Variants in TRNT1 observed in about 807,000 individuals in gnomAD.
The protein encoded by TRNT1 is tRNA nucleotidyl transferase 1, also known as CCA tRNA nucleotidyltransferase 1, mitochondrial.
A neutral mutation model predicts 45.6 loss-of-function variants in TRNT1; 44 were observed. That is an observed-to-expected ratio of 0.97 (90% CI 0.76 to 1.24). The LOEUF (loss-of-function observed/expected upper bound fraction) is 1.24, where lower values mean the gene tolerates loss of function less well. Ranked by LOEUF, TRNT1 falls within the 50% of genes most tolerant of loss-of-function variation. The pLI, the probability that TRNT1 is intolerant of heterozygous loss-of-function variation, is 0.00. For synonymous variants in TRNT1, 201 were observed against 171.4 expected, an observed-to-expected ratio of 1.17 and a Z score of -1.35; for missense variants, 633 against 504.4, an observed-to-expected ratio of 1.25 and a Z score of -2.44.
chr3:3,132,682 TAAAAAA>T (rs34975129), intron 2 of TRNT1, among the ~76,000 whole-genome samples: 1 of 95,236 alleles, frequency 1.1e-5, no homozygotes, highest in Admixed American at 1.1e-4. Context: ...TAGAGTATAA[TAAAAAA>T]AAAAAAATTA....
intron 2 of TRNT1, 50 bp downstream of exon 2, chr3:3,129,238 AAGTAGAGGG>A (rs1310424899): frequency 5.3e-6 from 8 of 1,497,516 alleles, no homozygotes; most frequent in Non-Finnish European, 7.4e-6. Context: ...ATAAATGGAG[AAGTAGAGGG>A]TTAACTTTTT....
intron 2 of TRNT1, among the ~76,000 whole-genome samples, chr3:3,135,709 G>C (rs1461643247): frequency 1.3e-5 from 2 of 152,196 alleles, no homozygotes; most frequent in Non-Finnish European, 2.9e-5. Context: ...GGTAGGGATA[G>C]AGGATTCTGT....
At chr3:3,138,147 C>G (rs992086328) in intron 3 of TRNT1, among the ~76,000 whole-genome samples, 1 of 152,078 alleles carries the variant, frequency 6.6e-6, no homozygotes, top group African/African-American at 2.4e-5. Flanking sequence ...TTTGTTAAGC[C>G]TCCTGTTTCC....
intron 5 of TRNT1, among the ~76,000 whole-genome samples, chr3:3,145,922 C>T (rs139807521): frequency 0.011 from 1,674 of 151,446 alleles, 29 homozygotes; most frequent in Middle Eastern, 0.027. Flanking sequence ...TCTAAGATTC[C>T]GCGAAATATA....
chr3:3,129,836 C>T (rs1704889108), intron 2 of TRNT1: 1 of 1,545,242 alleles, frequency 6.5e-7, no homozygotes, highest in South Asian at 1.2e-5. Flanking sequence ...TCTGTAACTA[C>T]TAACTAGAGA....
At chr3:3,140,107 C>T (rs334762) in intron 3 of TRNT1, among the ~76,000 whole-genome samples, 140,556 of 152,290 alleles carry the variant, frequency 0.92, 65,912 homozygotes, top group East Asian at 1. Context: ...ATCAGTCTTT[C>T]GCTCAATGGC....
At chr3:3,149,961 A>G (rs538398870), downstream of TRNT1, 1 of 152,194 alleles carries the variant, frequency 6.6e-6, no homozygotes, top group Non-Finnish European at 1.5e-5. Flanking sequence ...GCCTTTTTAG[A>G]ACTTTAAAAT....
chr3:3,147,633 A>T lies in TRNT1; in HGVS notation c.986A>T (p.Asn329Ile). 6.2e-7 allele frequency: 1 copy of T among 1,613,872 alleles called. No individual in the cohort carries two copies. The highest frequency in any genetic ancestry group is 8.5e-7 in the Non-Finnish European group (1 of 1,179,808). The change falls in exon 7 of 8, where the codon AAT (asparagine) becomes ATT (isoleucine). Residue 329 changes from asparagine (N) to isoleucine (I), a missense_variant. Physicochemically the swap from Asn to Ile is moderately radical, Grantham distance 149. Coordinates refer to ENST00000251607, the MANE Select transcript of TRNT1 (RefSeq NM_182916.3). ...AACCTTGGCTTATTTATAGTTAAAAATAGGAAAGATTTAATTAAAGCAACA... is the reference window on the plus strand; with the variant it reads ...AACCTTGGCTTATTTATAGTTAAAATTAGGAAAGATTTAATTAAAGCAACA... ...EKNLGLFIVK[N>I]RKDLIKATDS...
chr3:3,144,749 T>C (rs944113032), intron 5 of TRNT1, 39 bp downstream of exon 5: 1 of 1,474,194 alleles, frequency 6.8e-7, no homozygotes, highest in Non-Finnish European at 9.1e-7. Context: ...AGTTTTAATA[T>C]CATGACTAGA....
downstream of TRNT1, chr3:3,150,838 A>C: frequency 6.4e-7 from 1 of 1,560,180 alleles, no homozygotes; most frequent in Non-Finnish European, 8.7e-7. Context: ...CCAATTTGTT[A>C]GATAACTTTA....
intron 2 of TRNT1, chr3:3,129,591 G>T (rs911148598): frequency 6.3e-6 from 3 of 475,752 alleles, no homozygotes; most frequent in African/African-American, 2.0e-5. Context: ...CAAAAAAAGA[G>T]AAAGGAATAT....
At chr3:3,139,793 C>G (rs1705534059) in intron 3 of TRNT1, among the ~76,000 whole-genome samples, 1 of 151,980 alleles carries the variant, frequency 6.6e-6, no homozygotes, top group African/African-American at 2.4e-5. Flanking sequence ...ACAGTGTGAT[C>G]TCGACTCACT....
At chr3:3,129,508 G>A (rs1704865142) in intron 2 of TRNT1, 1 of 396,016 alleles carries the variant, frequency 2.5e-6, no homozygotes, top group African/African-American at 2.0e-5. Flanking sequence ...GATTGTTTGA[G>A]CCCAGGAGTT....
intron 3 of TRNT1, 108 bp from the exon 4 acceptor site, chr3:3,140,402 G>C: frequency 9.7e-7 from 1 of 1,029,802 alleles, no homozygotes; most frequent in South Asian, 1.7e-5. Flanking sequence ...ATAACTGTCA[G>C]GGCTTATAGT....
At chr3:3,128,264 C>T (rs1704731027) in intron 1 of TRNT1, among the ~76,000 whole-genome samples, 2 of 151,996 alleles carry the variant, frequency 1.3e-5, no homozygotes, top group African/African-American at 4.8e-5. Flanking sequence ...TCCTCAGATC[C>T]CCAGTAAAAC....
intron 5 of TRNT1, 30 bp from the exon 6 acceptor site, chr3:3,146,400 G>T (rs1476017506): frequency 6.4e-7 from 1 of 1,573,678 alleles, no homozygotes; most frequent in Non-Finnish European, 8.7e-7. Flanking sequence ...CAATATAGAG[G>T]TAATACCCTG....
intron 4 of TRNT1, among the ~76,000 whole-genome samples, chr3:3,143,907 A>C (rs1371003864): frequency 2.6e-5 from 4 of 152,198 alleles, no homozygotes; most frequent in Admixed American, 2.6e-4. Context: ...TTCATTATTA[A>C]AGAGATTTCT....
chr3:3,153,092 T>A, downstream of TRNT1: 1 of 316,476 alleles, frequency 3.2e-6, no homozygotes, highest in Non-Finnish European at 6.0e-6. Flanking sequence ...GCAAAACTGA[T>A]GACTGAAATG....
Position 3,146,707 on chromosome 3 carries a change from T to C in TRNT1, c.802+84T>C, listed in dbSNP as rs892105867. ...TCATAAGGAAAAAATGTTTGACTCA[T>C]TTGGTTGAAGAATTCTTGGAGAAAT... On this transcript the variant is annotated intron_variant, in intron 6 of 7. Coordinates refer to ENST00000251607, the MANE Select transcript of TRNT1 (RefSeq NM_182916.3). 3.1e-6 allele frequency: 4 copies of C among 1,271,148 alleles called. No individual in the cohort carries two copies. The Admixed American group carries it at 7.3e-5, about 23-fold the overall frequency. 78.7% of individuals were successfully genotyped at this position (1,271,148 alleles called of 1,614,324 possible).
Sources: allele counts gnomAD v4.1 joint callset (sites outside exome capture counted in the v4.1 genomes callset), GRCh38; gene constraint gnomAD v4.1.1; transcripts MANE v1.5; gene names NCBI Gene and HGNC (gene_info 2026-07-23, HGNC 2026-07-21).